IMMP2L: variants seen among roughly 807,000 people sequenced by gnomAD.
The protein encoded by IMMP2L is mitochondrial inner membrane protease subunit 2.
A neutral mutation model predicts 19.3 loss-of-function variants in IMMP2L; 18 were observed. The observed-to-expected ratio is 0.93, with a 90% CI of 0.64 to 1.38. The LOEUF (loss-of-function observed/expected upper bound fraction) is 1.38. Among genes scored for constraint, IMMP2L ranks in the 40% most tolerant of loss-of-function variants. The pLI is 0.00. For missense variants in IMMP2L, 233 were observed against 218.2 expected (o/e 1.07, Z -0.43); for synonymous variants, 76 against 73.0 (o/e 1.04, Z -0.21).
intron 5 of IMMP2L, among the ~76,000 whole-genome samples, chr7:110,688,782 A>T (rs1562917545): frequency 6.6e-6 from 1 of 152,078 alleles, no homozygotes; most frequent in African/African-American, 2.4e-5. Context: ...TGAATAGTGA[A>T]ATCTTATTTG....
intron 3 of IMMP2L, among the ~76,000 whole-genome samples, chr7:111,099,014 A>G (rs1586251372): frequency 6.6e-6 from 1 of 151,834 alleles, no homozygotes; most frequent in Admixed American, 6.6e-5. Flanking sequence ...GTGATGCTTT[A>G]ATTATTTATA....
At chr7:110,977,645 A>C (rs1820834632) in intron 3 of IMMP2L, among the ~76,000 whole-genome samples, 1 of 151,968 alleles carries the variant, frequency 6.6e-6, no homozygotes, top group African/African-American at 2.4e-5. Flanking sequence ...CTACTTTCAA[A>C]TAAATGCCAA....
In IMMP2L at chr7:110,949,631, A is replaced by G. The variant is rs553589353; in HGVS notation, c.305+13869T>C. Among the ~76,000 whole-genome samples, 3 of 152,300 alleles carry G rather than the reference A, an allele frequency of 2.0e-5. No homozygotes were observed. The South Asian group carries it at 6.2e-4, about 32-fold the overall frequency. On this transcript the variant is annotated intron_variant, in intron 4 of 5. Transcript: ENST00000405709. ...TTGCCTATGGTTGTTTTCATGCTAC[A>G]ATATCAGAGTTGAATAGATTTCTCA...
chr7:111,151,741 C>T lies in IMMP2L; in HGVS notation c.240-188176G>A, dbSNP rs1279549800. On this transcript the variant is annotated intron_variant, in intron 3 of 5. Coordinates refer to ENST00000405709, the MANE Select transcript of IMMP2L (RefSeq NM_032549.4). Reference sequence around the variant, plus strand: ...ATGACCTGAGATCAGGAGTTTGGGACCAGCCTGGCAAACATGGTGAAACCC... The same window carrying T: ...ATGACCTGAGATCAGGAGTTTGGGATCAGCCTGGCAAACATGGTGAAACCC... Among the ~76,000 whole-genome samples, 5 of 152,268 alleles carry T rather than the reference C, an allele frequency of 3.3e-5. No homozygotes were observed. The East Asian group carries it at 9.7e-4, about 29-fold the overall frequency.
chr7:111,004,333 T>C (rs2129561819), intron 3 of IMMP2L, among the ~76,000 whole-genome samples: 1 of 152,240 alleles, frequency 6.6e-6, no homozygotes, highest in Non-Finnish European at 1.5e-5. Flanking sequence ...CTAATTTTTA[T>C]TTTTATATTT....
rs140780795 is a variant in IMMP2L, at chr7:111,003,455, A to G, written c.240-39890T>C. On this transcript the variant is annotated intron_variant, in intron 3 of 5. Coordinates refer to ENST00000405709, the MANE Select transcript of IMMP2L (RefSeq NM_032549.4). ...GATTATCTAAACTACAAAGTACTAC[A>G]CGAATAAAAATTGTAATTGCCATTA... is the stretch of plus-strand genomic sequence containing the variant. 2.7e-4 allele frequency among the ~76,000 whole-genome samples: 41 copies of G among 152,300 alleles called. 2 individuals are homozygous for G. The East Asian group carries it at 7.5e-3, about 28-fold the overall frequency.
At position 111,465,617 on chromosome 7, in the gene IMMP2L, AC is replaced by A. The variant is rs375122861; in HGVS notation, c.239+21620del. On this transcript the variant is annotated intron_variant, in intron 3 of 5. Transcript: ENST00000405709. ...CATCAGAGAAATGCAAATCAAAACC[AC>A]AATGAGATACCATCTCACACCAGTT... 2.0e-3 allele frequency among the ~76,000 whole-genome samples: 308 copies of A among 152,146 alleles called. 3 individuals carry two copies. The highest frequency in any genetic ancestry group is 7.1e-3 in the African/African-American group (296 of 41,518).
chr7:111,049,852 G>T (rs1792835070), intron 3 of IMMP2L, among the ~76,000 whole-genome samples: 1 of 152,148 alleles, frequency 6.6e-6, no homozygotes, highest in Admixed American at 6.5e-5. Context: ...ATATTTAGGG[G>T]AAATTAACTG....
chr7:110,670,546 C>A (rs1450113219), intron 5 of IMMP2L, among the ~76,000 whole-genome samples: 1 of 151,904 alleles, frequency 6.6e-6, no homozygotes, highest in Non-Finnish European at 1.5e-5. Context: ...AAAAATTAGC[C>A]AGATGCAGTG....
intron 2 of IMMP2L, among the ~76,000 whole-genome samples, chr7:111,502,729 A>G (rs1207133102): frequency 2.0e-5 from 3 of 151,550 alleles, no homozygotes; most frequent in African/African-American, 7.3e-5. Context: ...TACTGGGTAC[A>G]TAACGAAATG....
chr7:111,396,629 T>A (rs1832891163), intron 3 of IMMP2L, among the ~76,000 whole-genome samples: 2 of 151,984 alleles, frequency 1.3e-5, no homozygotes, highest in Admixed American at 6.6e-5. Flanking sequence ...AACAAACCCG[T>A]ACGTTTTGCA....
intron 3 of IMMP2L, among the ~76,000 whole-genome samples, chr7:111,194,911 A>G (rs1280720210): frequency 6.6e-6 from 1 of 152,128 alleles, no homozygotes; most frequent in Non-Finnish European, 1.5e-5. Flanking sequence ...CAATGTATAT[A>G]CTTATGCAAA....
At chr7:111,344,764 G>A (rs1740114735) in intron 3 of IMMP2L, among the ~76,000 whole-genome samples, 1 of 152,148 alleles carries the variant, frequency 6.6e-6, no homozygotes. Context: ...GTATTAACAT[G>A]TATCAATATA....
At position 111,127,884 on chromosome 7, in the gene IMMP2L, A is replaced by C. The variant is rs75954245; in HGVS notation, c.240-164319T>G. Among the ~76,000 whole-genome samples, 38 of 152,330 alleles carry C rather than the reference A, an allele frequency of 2.5e-4. 1 individual carries two copies. The East Asian group carries it at 7.3e-3, about 29-fold the overall frequency. ...AAAATAAAATTAAGATTTTCTAACAATAAGCATACCCAATTGAATACAAAA... is the reference window on the plus strand; with the variant it reads ...AAAATAAAATTAAGATTTTCTAACACTAAGCATACCCAATTGAATACAAAA... On this transcript the variant is annotated intron_variant, in intron 3 of 5. Coordinates refer to ENST00000405709, the MANE Select transcript of IMMP2L (RefSeq NM_032549.4).
intron 3 of IMMP2L, among the ~76,000 whole-genome samples, chr7:111,030,921 T>C (rs1366651248): frequency 2.3e-5 from 2 of 85,422 alleles, no homozygotes; most frequent in African/African-American, 4.2e-5. Flanking sequence ...TATATATATA[T>C]ATATAAAATA....
At chr7:110,831,816 G>A (rs1283890752) in intron 5 of IMMP2L, among the ~76,000 whole-genome samples, 2 of 152,190 alleles carry the variant, frequency 1.3e-5, no homozygotes, top group Non-Finnish European at 2.9e-5. Context: ...GAGGTACCCA[G>A]GTATTCTTTC....
At chr7:111,469,478 G>C (rs889688811) in intron 3 of IMMP2L, among the ~76,000 whole-genome samples, 1 of 152,006 alleles carries the variant, frequency 6.6e-6, no homozygotes, top group Non-Finnish European at 1.5e-5. Flanking sequence ...CATGTCCCTT[G>C]TAAGTTGGAT....
chr7:111,271,897 C>A (rs990662530), intron 3 of IMMP2L, among the ~76,000 whole-genome samples: 3 of 152,186 alleles, frequency 2.0e-5, no homozygotes, highest in African/African-American at 7.2e-5. Flanking sequence ...TGGTCACATT[C>A]TATTCCTACA....
intron 3 of IMMP2L, chr7:111,125,161 T>C: frequency 2.8e-6 from 1 of 358,098 alleles, no homozygotes; most frequent in South Asian, 6.4e-5. Flanking sequence ...CATGTAACTT[T>C]TATGTCTGGA....
Sources: allele counts gnomAD v4.1 joint callset (sites outside exome capture counted in the v4.1 genomes callset), GRCh38; gene constraint gnomAD v4.1.1; transcripts MANE v1.5; gene names NCBI Gene and HGNC (gene_info 2026-07-23, HGNC 2026-07-21).